The following PTPRS variants were observed in gnomAD, a reference collection of about 807,000 sequenced individuals.
The protein encoded by PTPRS is receptor-type tyrosine-protein phosphatase S.
Under a neutral mutation model 215.3 loss-of-function variants are expected in PTPRS, and 63 were observed. The ratio of observed to expected loss-of-function variants is 0.29; its 90% confidence interval spans 0.24 to 0.36. The LOEUF (loss-of-function observed/expected upper bound fraction) is 0.36, where lower values mean the gene tolerates loss of function less well. PTPRS is among the 10% of genes least tolerant of loss of function. PTPRS has a pLI of 1.00. For missense variants in PTPRS, 2,258 were observed against 2,825.8 expected (o/e 0.80, Z 4.56); for synonymous variants, 1,404 against 1,191.4 (o/e 1.18, Z -3.68).
chr19:5,235,140 C>A (rs1365253303), intron 13 of PTPRS, among the ~76,000 whole-genome samples: 1 of 152,028 alleles, frequency 6.6e-6, no homozygotes, highest in Admixed American at 6.5e-5. Context: ...CGGATTTTCA[C>A]CATGTTGGCC....
intron 4 of PTPRS, among the ~76,000 whole-genome samples, chr19:5,268,996 T>C (rs1291364062): frequency 6.6e-6 from 1 of 152,174 alleles, no homozygotes; most frequent in Non-Finnish European, 1.5e-5. Context: ...GTGGCTCTGA[T>C]TGGCTACTGA....
At position 5,287,045 on chromosome 19, in the gene PTPRS, G is replaced by A. The variant is rs1378375671; in HGVS notation, c.-94-811C>T. On this transcript the variant is annotated intron_variant, in intron 1 of 37. Transcript: ENST00000262963. This position sits in a 1 kb window ranked among gnomAD's most constrained non-coding sequence, Gnocchi z 4.8. ...CCACACACCTGCCTGTCCCTGCCCT[G>A]CTCTAAGACCTCCCATGGCTCCCAG... Among the ~76,000 whole-genome samples, 2 of 152,108 alleles carry A rather than the reference G, an allele frequency of 1.3e-5. No individual in the cohort carries two copies. Among genetic ancestry groups the A allele is most frequent in the East Asian group, 3.8e-4 (2 of 5,196 alleles).
intron 4 of PTPRS, among the ~76,000 whole-genome samples, chr19:5,265,965 A>G (rs2146400337): frequency 6.6e-6 from 1 of 152,264 alleles, no homozygotes; most frequent in East Asian, 1.9e-4. Flanking sequence ...AGAGAGATAT[A>G]TACATATAAA....
intron 1 of PTPRS, among the ~76,000 whole-genome samples, chr19:5,289,737 G>A (rs2048656085): frequency 6.6e-6 from 1 of 152,214 alleles, no homozygotes. Context: ...ATGGGAATTG[G>A]GGGCAAGGGT....
In PTPRS at chr19:5,310,393, C is replaced by T. The variant is rs80319336; in HGVS notation, c.-94-24159G>A. Among the ~76,000 whole-genome samples the T allele has an allele frequency of 2.9e-4, 43 of 150,128 alleles. 1 individual carries two copies. The East Asian group carries it at 8.2e-3, about 29-fold the overall frequency. ...ACTGCAGTGGCGCAATCTCGGCTCA[C>T]TACAACCTCCGCTTCCCCCGTTCAA... On this transcript the variant is annotated intron_variant, in intron 1 of 37. Transcript: ENST00000262963.
intron 1 of PTPRS, among the ~76,000 whole-genome samples, chr19:5,313,244 G>A (rs34539805): frequency 0.12 from 17,694 of 152,210 alleles, 1,275 homozygotes; most frequent in Non-Finnish European, 0.16. Context: ...GACAACGCTC[G>A]CTGACAGCCT....
chr19:5,326,620 G>C (rs1226770996), intron 1 of PTPRS, among the ~76,000 whole-genome samples: 1 of 151,790 alleles, frequency 6.6e-6, no homozygotes, highest in African/African-American at 2.4e-5. Context: ...CAGGAGCTTG[G>C]GGCTGCAGTG....
At chr19:5,336,210 T>C (rs1342013401) in intron 1 of PTPRS, among the ~76,000 whole-genome samples, 1 of 118,694 alleles carries the variant, frequency 8.4e-6, no homozygotes, top group Non-Finnish European at 1.9e-5. Context: ...GTACGTCGGG[T>C]TTTTTTTTTT....
At chr19:5,311,880 A>G (rs963357181) in intron 1 of PTPRS, among the ~76,000 whole-genome samples, 1 of 152,062 alleles carries the variant, frequency 6.6e-6, no homozygotes, top group Non-Finnish European at 1.5e-5. Context: ...CTCTACTAAA[A>G]ATACAAAAAA....
chr19:5,282,960 C>T (rs1727417372), intron 2 of PTPRS, among the ~76,000 whole-genome samples: 1 of 152,172 alleles, frequency 6.6e-6, no homozygotes, highest in Non-Finnish European at 1.5e-5. Flanking sequence ...CGTGGATGTC[C>T]CTGTCTCTTA....
At chr19:5,267,202 G>A (rs1443989639) in intron 4 of PTPRS, among the ~76,000 whole-genome samples, 3 of 151,796 alleles carry the variant, frequency 2.0e-5, no homozygotes, top group African/African-American at 4.9e-5. Flanking sequence ...GGAGACCGGT[G>A]GTGATGTGGG....
In PTPRS at chr19:5,220,266, C is replaced by A; in HGVS notation, c.3543G>T (p.Leu1181=). The change falls in exon 21 of 38, where the codon CTG becomes CTT. Residue 1181 remains leucine (L), a synonymous_variant. Coordinates refer to ENST00000262963, the MANE Select transcript of PTPRS (RefSeq NM_002850.4). ...TTGGGCCCCAGGCCCTCACCTCTTC[C>A]AGATCCATGTCCTCTGGGCTACCCA... ...TPLGSPEDMD[L]EELIQDISRL... The A allele has an allele frequency of 6.2e-7, 1 of 1,613,962 alleles. No individual in the cohort carries two copies. Among genetic ancestry groups the A allele is most frequent in the Non-Finnish European group, 8.5e-7 (1 of 1,179,930 alleles).
chr19:5,286,296 G>C, intron 1 of PTPRS, 62 bp from the exon 2 acceptor site: 1 of 744,324 alleles, frequency 1.3e-6, no homozygotes, highest in East Asian at 2.7e-5. Context: ...CTTCATGGAG[G>C]AGGCAGAGGG....
chr19:5,330,175 T>C (rs952229576), intron 1 of PTPRS, among the ~76,000 whole-genome samples: 18 of 151,964 alleles, frequency 1.2e-4, no homozygotes, highest in Admixed American at 5.2e-4. Flanking sequence ...CCCGAGTGAC[T>C]GCAGGGCCCC....
intron 18 of PTPRS, 61 bp downstream of exon 18, chr19:5,222,628 T>TGGGTTGGGGGGGGGGGGG: frequency 1.9e-6 from 1 of 522,718 alleles, no homozygotes; most frequent in Non-Finnish European, 2.4e-6. Context: ...GGGAGGGGGC[T>TGGGTTGGGGGGGGGGGGG]GGGGTGGGGG....
chr19:5,213,514 C>CT (rs1482144873), intron 30 of PTPRS, among the ~76,000 whole-genome samples: 1 of 151,744 alleles, frequency 6.6e-6, no homozygotes, highest in Non-Finnish European at 1.5e-5. Context: ...TGTAAGCTTT[C>CT]TTGACATTTC....
rs747172851 is a variant in PTPRS, at chr19:5,225,815, C to T, written c.2406G>A (p.Glu802=). The stretch of plus-strand genomic sequence containing the variant: ...CGGCTACCGTGATGGAGTACGCGGT[C>T]TCAGGCTGCAAGTTTGTGATGACCA... ...YEMVITNLQP[E]TAYSITVAAY... is the part of the protein sequence containing the mutation. The change falls in exon 17 of 38, where the codon GAG becomes GAA. Residue 802 remains glutamate (E), a synonymous_variant. Coordinates refer to ENST00000262963, the MANE Select transcript of PTPRS (RefSeq NM_002850.4). 1.2e-5 allele frequency: 19 copies of T among 1,613,980 alleles called. No homozygotes were observed. In the Middle Eastern group the frequency reaches 5.0e-4, roughly 42 times the overall value.
intron 17 of PTPRS, among the ~76,000 whole-genome samples, chr19:5,223,698 G>C (rs984731250): frequency 7.9e-5 from 12 of 151,550 alleles, no homozygotes; most frequent in Non-Finnish European, 1.8e-4. Flanking sequence ...GAGCAGCTGG[G>C]ATTACAGGTA....
intron 7 of PTPRS, among the ~76,000 whole-genome samples, chr19:5,260,240 G>A (rs1343224960): frequency 2.0e-5 from 3 of 147,636 alleles, no homozygotes; most frequent in Admixed American, 6.8e-5. Flanking sequence ...GCAGTGGCAT[G>A]ATCTTAGTGG....
Sources: allele counts gnomAD v4.1 joint callset (sites outside exome capture counted in the v4.1 genomes callset), GRCh38; gene constraint gnomAD v4.1.1; non-coding constraint Gnocchi (gnomAD v3.1); transcripts MANE v1.5; gene names NCBI Gene and HGNC (gene_info 2026-07-23, HGNC 2026-07-21).